The following ELAVL2 variants were observed in gnomAD, a reference collection of about 807,000 sequenced individuals.
The protein encoded by ELAVL2 is ELAV-like protein 2.
A neutral mutation model predicts 34.6 loss-of-function variants in ELAVL2; 4 were observed. The observed-to-expected ratio is 0.12, with a 90% CI of 0.06 to 0.26. The LOEUF is 0.26. ELAVL2 is among the 10% of genes least tolerant of loss of function. The pLI is 1.00. For synonymous variants in ELAVL2, 193 were observed against 154.8 expected (o/e 1.25, Z -1.83); for missense variants, 432 against 442.8 (o/e 0.98, Z 0.22).
At chr9:23,762,356 A>T (rs572233384) in intron 1 of ELAVL2, 107 bp from the exon 2 acceptor site, 6 of 1,401,202 alleles carry the variant, frequency 4.3e-6, no homozygotes, top group East Asian at 2.3e-5. Flanking sequence ...CGTTCTAATG[A>T]AATTACAACA....
upstream of ELAVL2, chr9:23,829,701 G>A (rs1255057514): frequency 6.6e-6 from 1 of 152,120 alleles, no homozygotes. Context: ...ACCGAAAGGG[G>A]GGAAAAGTTG....
At chr9:23,697,143 A>T (rs538031517) in intron 5 of ELAVL2, among the ~76,000 whole-genome samples, 2 of 152,208 alleles carry the variant, frequency 1.3e-5, no homozygotes, top group South Asian at 4.1e-4. Flanking sequence ...ATGGAGGATT[A>T]GACTGGATAA....
the ELAVL2 span, among the ~76,000 whole-genome samples, chr9:23,848,317 A>G: frequency 2.6e-5 from 4 of 152,220 alleles, no homozygotes; most frequent in Admixed American, 2.6e-4. Context: ...AATTCTTGCT[A>G]ATACAAAGAC....
intron 3 of ELAVL2, among the ~76,000 whole-genome samples, chr9:23,721,728 G>A (rs2043784816): frequency 6.6e-6 from 1 of 152,090 alleles, no homozygotes; most frequent in Non-Finnish European, 1.5e-5. Context: ...CATGACAAGG[G>A]GGAAGGATCC....
chr9:23,707,626 G>C (rs556602782), intron 3 of ELAVL2, among the ~76,000 whole-genome samples: 1 of 152,264 alleles, frequency 6.6e-6, no homozygotes, highest in East Asian at 1.9e-4. Flanking sequence ...ACAGCTAATC[G>C]GTGTGCCTGG....
intron 3 of ELAVL2, among the ~76,000 whole-genome samples, chr9:23,714,717 A>G (rs1039569677): frequency 5.9e-5 from 9 of 152,164 alleles, no homozygotes; most frequent in African/African-American, 2.2e-4. Flanking sequence ...CTATCTTGAG[A>G]TGAAGGTTAT....
the ELAVL2 span, among the ~76,000 whole-genome samples, chr9:23,844,710 T>A: frequency 1.3e-5 from 2 of 152,086 alleles, no homozygotes; most frequent in Admixed American, 1.3e-4. Context: ...TCTCTATTTT[T>A]AAAAAATTAA....
intron 3 of ELAVL2, among the ~76,000 whole-genome samples, chr9:23,715,161 A>G (rs1229456576): frequency 1.3e-5 from 2 of 152,160 alleles, no homozygotes; most frequent in African/African-American, 4.8e-5. Context: ...GGCCTTGTGC[A>G]GGAGGTTTTT....
At chr9:23,710,709 C>T (rs1378650794) in intron 3 of ELAVL2, among the ~76,000 whole-genome samples, 4 of 152,148 alleles carry the variant, frequency 2.6e-5, no homozygotes, top group East Asian at 1.9e-4. Context: ...CCTATTTAAA[C>T]GGACAGTTAA....
At chr9:23,715,494 T>C (rs1405751440) in intron 3 of ELAVL2, among the ~76,000 whole-genome samples, 2 of 152,358 alleles carry the variant, frequency 1.3e-5, no homozygotes, top group East Asian at 3.9e-4. Flanking sequence ...TTAGAAGTTG[T>C]GGCATTTGCC....
chr9:23,754,457 T>A (rs918578553), intron 2 of ELAVL2, among the ~76,000 whole-genome samples: 7 of 151,956 alleles, frequency 4.6e-5, no homozygotes, highest in East Asian at 1.9e-4. Context: ...TTTTTTTTTT[T>A]ATTATTTTTT....
At chr9:23,701,722 T>C in intron 4 of ELAVL2, 118 bp from the exon 5 acceptor site, 1 of 1,060,784 alleles carries the variant, frequency 9.4e-7, no homozygotes, top group Admixed American at 2.4e-5. Flanking sequence ...ACATATAACA[T>C]TTCCCACAAA....
chr9:23,845,278 G>GTGCAC, the ELAVL2 span, among the ~76,000 whole-genome samples: 3 of 151,384 alleles, frequency 2.0e-5, no homozygotes, highest in Non-Finnish European at 4.4e-5. Flanking sequence ...AGACAGATTT[G>GTGCAC]TGCACTTCAA....
chr9:23,757,767 G>A (rs978003865), intron 2 of ELAVL2, among the ~76,000 whole-genome samples: 21 of 151,950 alleles, frequency 1.4e-4, no homozygotes, highest in African/African-American at 4.8e-4. Context: ...ATAATAAATA[G>A]AACTTAGTCT....
Position 23,760,962 on chromosome 9 carries a change from T to C in ELAVL2, c.229+1044A>G, listed in dbSNP as rs532477022. 1.1e-3 allele frequency among the ~76,000 whole-genome samples: 174 copies of C among 152,080 alleles called. 1 individual carries two copies. Among genetic ancestry groups the C allele is most frequent in the African/African-American group, 4.1e-3 (169 of 41,536 alleles). On this transcript the variant is annotated intron_variant, in intron 2 of 6. Transcript: ENST00000397312. ...TGTATGAAAAAGTCAAAAGTGAACT[T>C]AGAAATGGCCCAGTGTTACCCCCTT...
At chr9:23,760,743 G>A (rs1039157861) in intron 2 of ELAVL2, among the ~76,000 whole-genome samples, 2 of 151,954 alleles carry the variant, frequency 1.3e-5, no homozygotes, top group Non-Finnish European at 2.9e-5. Context: ...TATAATGGCC[G>A]TTTGCTATGG....
chr9:23,782,138 T>G (rs993895153), intron 1 of ELAVL2, among the ~76,000 whole-genome samples: 1 of 152,092 alleles, frequency 6.6e-6, no homozygotes, highest in African/African-American at 2.4e-5. Flanking sequence ...TTCTTTAACA[T>G]AAAAATGTCC....
intron 3 of ELAVL2, among the ~76,000 whole-genome samples, chr9:23,722,954 G>C (rs1398190314): frequency 6.6e-6 from 1 of 152,116 alleles, no homozygotes; most frequent in African/African-American, 2.4e-5. Flanking sequence ...AAGCCAAACT[G>C]ACCTAGCACC....
chr9:23,706,858 G>T (rs2133434417), intron 3 of ELAVL2, among the ~76,000 whole-genome samples: 1 of 152,088 alleles, frequency 6.6e-6, no homozygotes, highest in South Asian at 2.1e-4. Context: ...TGGCTTTCCA[G>T]AAAAAAATAT....
Sources: gnomAD v4.1 joint callset for allele counts (sites outside exome capture counted in the v4.1 genomes callset) on GRCh38, gnomAD v4.1.1 for gene constraint, MANE v1.5 for transcripts, NCBI Gene and HGNC (gene_info 2026-07-23, HGNC 2026-07-21) for gene names.